The following EGLN3 variants were observed in gnomAD, a reference collection of about 807,000 sequenced individuals.
The protein encoded by EGLN3 is egl-9 family hypoxia inducible factor 3.
EGLN3 carries 15 observed loss-of-function variants against 26.0 expected under a neutral mutation model. The observed-to-expected ratio is 0.58, with a 90% CI of 0.39 to 0.89. EGLN3 has a LOEUF of 0.89. EGLN3 is among the 40% of genes least tolerant of loss of function. The pLI, the probability that EGLN3 is intolerant of heterozygous loss-of-function variation, is 0.00. For synonymous variants in EGLN3, 147 were observed against 127.2 expected (o/e 1.16, Z -1.05); for missense variants, 238 against 311.6 (o/e 0.76, Z 1.78).
chr14:33,925,704 A>G lies in EGLN3; in HGVS notation c.*187T>C. ...AGTAACTTCATCTGGCAAAGAGAGTATCTGAAGATCAACACAGTCTTGGCA... is the reference window on the plus strand; with the variant it reads ...AGTAACTTCATCTGGCAAAGAGAGTGTCTGAAGATCAACACAGTCTTGGCA... On this transcript the variant is annotated 3_prime_UTR_variant, in exon 5 of 5. Transcript: ENST00000250457. 2 of 644,316 alleles carry G rather than the reference A, an allele frequency of 3.1e-6. No individual in the cohort carries two copies. Among genetic ancestry groups the G allele is most frequent in the East Asian group, 5.6e-5 (2 of 36,026 alleles). The allele number at this position is 644,316 out of a possible 1,614,324, so 39.9% of individuals were successfully genotyped here.
intron 1 of EGLN3, among the ~76,000 whole-genome samples, chr14:33,937,390 T>C (rs988349604): frequency 1.6e-4 from 24 of 152,342 alleles, no homozygotes; most frequent in African/African-American, 5.1e-4. Flanking sequence ...ATCTTTGTTG[T>C]TGGTTAAGAG....
At chr14:33,927,057 G>T in intron 3 of EGLN3, 24 bp from the exon 4 acceptor site, 1 of 1,547,530 alleles carries the variant, frequency 6.5e-7, no homozygotes, top group Non-Finnish European at 8.7e-7. Flanking sequence ...GCAGATATAA[G>T]GAAAGAGATT....
intron 4 of EGLN3, among the ~76,000 whole-genome samples, chr14:33,926,476 C>T (rs191068528): frequency 3.1e-4 from 47 of 152,246 alleles, no homozygotes; most frequent in Non-Finnish European, 8.8e-5. Context: ...TGTTTTAATG[C>T]AACGTATTTT....
chr14:33,946,214 TA>T (rs1790488208), intron 1 of EGLN3, among the ~76,000 whole-genome samples: 1 of 152,050 alleles, frequency 6.6e-6, no homozygotes, highest in Admixed American at 6.6e-5. Context: ...CCGTCTCTAC[TA>T]AAAATACAAA....
chr14:33,950,929 G>A lies in EGLN3; in HGVS notation c.-177C>T, dbSNP rs2064557054. 1 of 642,696 alleles carries A rather than the reference G, an allele frequency of 1.6e-6. No homozygotes were observed. The highest frequency in any genetic ancestry group is 2.7e-6 in the Non-Finnish European group (1 of 366,462). 39.8% of individuals were successfully genotyped at this position (642,696 alleles called of 1,614,324 possible). ...AGGGAAAGTTTCTCGCAACTCTCGGGAGAAGGGATCTGCCTTCGGGAACCA... is the reference window on the plus strand; with the variant it reads ...AGGGAAAGTTTCTCGCAACTCTCGGAAGAAGGGATCTGCCTTCGGGAACCA... On this transcript the variant is annotated 5_prime_UTR_variant, in exon 1 of 5. Coordinates refer to ENST00000250457, the MANE Select transcript of EGLN3 (RefSeq NM_022073.4).
chr14:33,942,815 A>C (rs1201465063), intron 1 of EGLN3, among the ~76,000 whole-genome samples: 1 of 152,230 alleles, frequency 6.6e-6, no homozygotes, highest in Admixed American at 6.5e-5. Context: ...TAAGATAGGC[A>C]CATGTACTCC....
rs1343500562 is a variant in EGLN3, at chr14:33,924,679, A to T, written c.*1212T>A. ...CTAGGAAAAGTAGCTTTTGCAAAAT[A>T]CGTGCTCAATACCAAGTTATTGAGG... On this transcript the variant is annotated 3_prime_UTR_variant, in exon 5 of 5. Transcript: ENST00000250457. 1 of 152,152 alleles carries T rather than the reference A, an allele frequency of 6.6e-6. No homozygotes were observed. The highest frequency in any genetic ancestry group is 6.6e-5 in the Admixed American group (1 of 15,266). The allele number at this position is 152,152 out of a possible 1,614,324, so 9.4% of individuals were successfully genotyped here.
chr14:33,930,875 A>T (rs1052500017), intron 2 of EGLN3, among the ~76,000 whole-genome samples: 6 of 152,164 alleles, frequency 3.9e-5, no homozygotes, highest in Non-Finnish European at 7.3e-5. Flanking sequence ...TAGGGTTAAT[A>T]ATCACCCTAC....
Position 33,950,492 on chromosome 14 carries a change from G to A in EGLN3, c.261C>T (p.Gly87=), listed in dbSNP as rs1357301015. ...ACAGGAGGAAGCTGATGGCCTCGCA[G>A]CCCTCCTCGTTGCCCCCGATCCACG... is the stretch of plus-strand genomic sequence containing the variant. ...QITWIGGNEE[G]CEAISFLLSL... is the part of the protein sequence containing the mutation. The change falls in exon 1 of 5, where the codon GGC becomes GGT. Residue 87 remains glycine (G), a synonymous_variant. Coordinates refer to ENST00000250457, the MANE Select transcript of EGLN3 (RefSeq NM_022073.4). 1.2e-6 allele frequency: 2 copies of A among 1,613,538 alleles called. No homozygotes were observed. The highest frequency in any genetic ancestry group is 2.7e-5 in the African/African-American group (2 of 74,922).
chr14:33,936,647 G>T (rs780149594), intron 1 of EGLN3, among the ~76,000 whole-genome samples: 11 of 151,872 alleles, frequency 7.2e-5, no homozygotes, highest in Admixed American at 3.9e-4. Context: ...TGGAACAAAG[G>T]CACTATATGT....
At chr14:33,934,489 T>A (rs2064426803) in intron 1 of EGLN3, among the ~76,000 whole-genome samples, 2 of 142,706 alleles carry the variant, frequency 1.4e-5, no homozygotes, top group Non-Finnish European at 1.5e-5. Context: ...AAAACCTATC[T>A]CATCAAGTCC....
At chr14:33,946,811 T>A (rs1460552312) in intron 1 of EGLN3, among the ~76,000 whole-genome samples, 1 of 152,234 alleles carries the variant, frequency 6.6e-6, no homozygotes, top group Non-Finnish European at 1.5e-5. Context: ...TACGGCATTA[T>A]TTCCTTTCAT....
intron 3 of EGLN3, among the ~76,000 whole-genome samples, 156 bp from the exon 4 acceptor site, chr14:33,927,189 A>T (rs552096069): frequency 4.7e-5 from 7 of 150,252 alleles, no homozygotes; most frequent in African/African-American, 1.7e-4. Flanking sequence ...TTATTTATTT[A>T]TTTTTTGAGA....
At chr14:33,935,384 G>A (rs974677506) in intron 1 of EGLN3, among the ~76,000 whole-genome samples, 3 of 152,090 alleles carry the variant, frequency 2.0e-5, no homozygotes, top group South Asian at 2.1e-4. Context: ...CGATGTTTGC[G>A]AGTAACAAAT....
chr14:33,931,287 G>C, intron 1 of EGLN3, 72 bp from the exon 2 acceptor site: 1 of 1,604,144 alleles, frequency 6.2e-7, no homozygotes, highest in Non-Finnish European at 8.5e-7. Flanking sequence ...CTGGTGAGCA[G>C]ATAAGTAACA....
At chr14:33,940,766 G>A (rs2064476986) in intron 1 of EGLN3, among the ~76,000 whole-genome samples, 1 of 152,144 alleles carries the variant, frequency 6.6e-6, no homozygotes, top group African/African-American at 2.4e-5. Flanking sequence ...TTAATTTGGG[G>A]AGCTGAAAGT....
intron 1 of EGLN3, among the ~76,000 whole-genome samples, chr14:33,939,736 G>A (rs1244600874): frequency 1.3e-5 from 2 of 152,140 alleles, no homozygotes; most frequent in African/African-American, 4.8e-5. Context: ...CCTAACAACC[G>A]CATGAAGTAG....
At chr14:33,943,761 G>C (rs776892576) in intron 1 of EGLN3, among the ~76,000 whole-genome samples, 1 of 152,166 alleles carries the variant, frequency 6.6e-6, no homozygotes, top group African/African-American at 2.4e-5. Flanking sequence ...TGACCTTTAA[G>C]CTTCCTCAGA....
In EGLN3 at chr14:33,924,502, C is replaced by G. The variant is rs1052296552; in HGVS notation, c.*1389G>C. 6.6e-6 allele frequency: 1 copy of G among 151,696 alleles called. No homozygotes were observed. The highest frequency in any genetic ancestry group is 1.5e-5 in the Non-Finnish European group (1 of 67,972). The allele number at this position is 151,696 out of a possible 1,614,324, so 9.4% of individuals were successfully genotyped here. ...GTCTTATCTGGAAATTTTCCAAAACCAGAAGAGGAAAAAGTAAACTTCTAT... is the reference window on the plus strand; with the variant it reads ...GTCTTATCTGGAAATTTTCCAAAACGAGAAGAGGAAAAAGTAAACTTCTAT... On this transcript the variant is annotated 3_prime_UTR_variant, in exon 5 of 5. Coordinates refer to ENST00000250457, the MANE Select transcript of EGLN3 (RefSeq NM_022073.4).
Sources: allele counts gnomAD v4.1 joint callset (sites outside exome capture counted in the v4.1 genomes callset), GRCh38; gene constraint gnomAD v4.1.1; transcripts MANE v1.5; gene names NCBI Gene and HGNC (gene_info 2026-07-23, HGNC 2026-07-21).